The following SMIM7 variants were observed in gnomAD, a reference collection of about 807,000 sequenced individuals.
SMIM7 encodes the protein UPF0608 protein C19orf42.
In SMIM7, 12 loss-of-function variants were observed where a neutral mutation model predicts 13.3. The ratio of observed to expected loss-of-function variants is 0.90; its 90% CI spans 0.58 to 1.46. SMIM7 has a LOEUF of 1.46. SMIM7 is among the 40% of genes most tolerant of loss of function. SMIM7 has a pLI of 0.00. For synonymous variants in SMIM7, 36 were observed against 35.8 expected (o/e 1.01, Z -0.02); for missense variants, 114 against 94.8 (o/e 1.20, Z -0.84).
At chr19:16,635,030 G>A (rs886792738) in intron 4 of SMIM7, 4 of 151,936 alleles carry the variant, frequency 2.6e-5, no homozygotes, top group African/African-American at 7.3e-5. Flanking sequence ...GAGTGACCCA[G>A]CCAAAGTCAT....
chr19:16,643,408 A>T (rs752281714), downstream of SMIM7, among the ~76,000 whole-genome samples: 29 of 152,022 alleles, frequency 1.9e-4, no homozygotes, highest in Admixed American at 4.6e-4. Flanking sequence ...TTTAAAAAAA[A>T]TTTTTCTTTT....
chr19:16,659,836 G>C, intron 2 of SMIM7, 123 bp downstream of exon 2: 6 of 1,318,352 alleles, frequency 4.6e-6, no homozygotes, highest in Non-Finnish European at 6.3e-6. Context: ...CGTGCCCAGA[G>C]GGCGGATAGG....
intron 4 of SMIM7, among the ~76,000 whole-genome samples, chr19:16,637,261 A>G (rs1379925852): frequency 6.6e-6 from 1 of 152,024 alleles, no homozygotes; most frequent in Admixed American, 6.6e-5. Context: ...CACACCTATA[A>G]CCCCAGCACT....
downstream of SMIM7, among the ~76,000 whole-genome samples, chr19:16,644,189 C>T (rs1488974465): frequency 2.2e-5 from 3 of 137,056 alleles, no homozygotes; most frequent in East Asian, 2.3e-4. Flanking sequence ...GGCGCGATCT[C>T]GGCTCGCTGC....
chr19:16,635,899 A>AAAAAAAATAT (rs1200181092), intron 4 of SMIM7, among the ~76,000 whole-genome samples: 1 of 109,598 alleles, frequency 9.1e-6, no homozygotes, highest in African/African-American at 4.3e-5. Flanking sequence ...AAAAAAAAAA[A>AAAAAAAATAT]ATATATATAT....
intron 4 of SMIM7, among the ~76,000 whole-genome samples, chr19:16,636,905 A>G (rs1203643042): frequency 1.3e-5 from 2 of 152,172 alleles, no homozygotes; most frequent in African/African-American, 4.8e-5. Flanking sequence ...GTGAGCTAAG[A>G]TAGTGCCACT....
At chr19:16,659,801 C>T (rs2086649447) in intron 2 of SMIM7, 158 bp downstream of exon 2, 10 of 918,016 alleles carry the variant, frequency 1.1e-5, no homozygotes, top group Non-Finnish European at 1.5e-5. Context: ...GGGTGGGGGG[C>T]GAGGAAGATA....
intron 3 of SMIM7, among the ~76,000 whole-genome samples, chr19:16,655,936 C>T (rs2086592321): frequency 6.6e-6 from 1 of 152,198 alleles, no homozygotes; most frequent in Admixed American, 6.5e-5. Context: ...ACGTGCAGCA[C>T]AACCTGTATA....
intron 4 of SMIM7, chr19:16,634,302 C>G (rs903768065): frequency 8.5e-5 from 13 of 152,172 alleles, no homozygotes; most frequent in African/African-American, 2.9e-4. Flanking sequence ...CTTGGACACT[C>G]AGGTCCTTGT....
chr19:16,644,319 G>T (rs2086429376), downstream of SMIM7, among the ~76,000 whole-genome samples: 1 of 150,770 alleles, frequency 6.6e-6, no homozygotes, highest in African/African-American at 2.4e-5. Context: ...ACGGGGTTTT[G>T]TCATGTTGGC....
chr19:16,632,827 C>T (rs1353492260), intron 4 of SMIM7, among the ~76,000 whole-genome samples: 5 of 152,050 alleles, frequency 3.3e-5, no homozygotes, highest in East Asian at 3.9e-4. Context: ...CCACCATGCC[C>T]GGCCAACTGG....
At chr19:16,639,095 A>G (rs1352355573) in intron 4 of SMIM7, 1 of 152,138 alleles carries the variant, frequency 6.6e-6, no homozygotes, top group Non-Finnish European at 1.5e-5. Flanking sequence ...AATGAACAGG[A>G]AACAGGATCC....
chr19:16,650,565 C>CCAAGTGTG (rs1390361571), intron 4 of SMIM7, among the ~76,000 whole-genome samples: 1 of 152,076 alleles, frequency 6.6e-6, no homozygotes, highest in Non-Finnish European at 1.5e-5. Context: ...GAAAAATTAG[C>CCAAGTGTG]CAAGTGTGGT....
At chr19:16,659,237 C>A (rs906574951) in intron 3 of SMIM7, 158 bp downstream of exon 3, 3 of 710,768 alleles carry the variant, frequency 4.2e-6, no homozygotes, top group Non-Finnish European at 7.3e-6. Flanking sequence ...GAGCCATGAT[C>A]GCACCACTGC....
intron 4 of SMIM7, among the ~76,000 whole-genome samples, chr19:16,638,192 C>T (rs1032333133): frequency 4.0e-5 from 6 of 151,888 alleles, no homozygotes; most frequent in Non-Finnish European, 7.4e-5. Flanking sequence ...CACTTAAAGC[C>T]GGAGGCGGAG....
At chr19:16,642,400 A>T (rs908039172), downstream of SMIM7, among the ~76,000 whole-genome samples, 1 of 152,146 alleles carries the variant, frequency 6.6e-6, no homozygotes, top group African/African-American at 2.4e-5. Flanking sequence ...TCCAGTAAAA[A>T]TACAAAAATT....
chr19:16,637,109 T>C (rs1429025649), intron 4 of SMIM7, among the ~76,000 whole-genome samples: 1 of 152,234 alleles, frequency 6.6e-6, no homozygotes, highest in Non-Finnish European at 1.5e-5. Flanking sequence ...AGACGGAGAC[T>C]GAAACAGCCA....
intron 4 of SMIM7, among the ~76,000 whole-genome samples, chr19:16,649,789 T>C (rs1370633542): frequency 6.6e-6 from 1 of 152,038 alleles, no homozygotes; most frequent in Non-Finnish European, 1.5e-5. Context: ...GATTCTGCCA[T>C]GAAAAGGAAT....
intron 4 of SMIM7, among the ~76,000 whole-genome samples, chr19:16,637,990 G>A (rs893075923): frequency 2.0e-5 from 3 of 152,132 alleles, no homozygotes; most frequent in African/African-American, 7.2e-5. Flanking sequence ...GGTTGTGGTG[G>A]CTCACGCCTG....
Sources: gnomAD v4.1 joint callset for allele counts (sites outside exome capture counted in the v4.1 genomes callset) on GRCh38, gnomAD v4.1.1 for gene constraint, MANE v1.5 for transcripts, NCBI Gene and HGNC (gene_info 2026-07-23, HGNC 2026-07-21) for gene names.